Variants in SLC16A7 observed in about 807,000 individuals in gnomAD.
SLC16A7 encodes the protein monocarboxylate transporter 2.
A neutral mutation model predicts 34.9 loss-of-function variants in SLC16A7; 33 were observed. The ratio of observed to expected loss-of-function variants is 0.94; its 90% CI spans 0.72 to 1.26. The LOEUF (loss-of-function observed/expected upper bound fraction) is 1.26. SLC16A7 is among the 50% of genes most tolerant of loss of function. SLC16A7 has a pLI of 0.00. For synonymous variants in SLC16A7, 201 were observed against 206.6 expected (o/e 0.97, Z 0.23); for missense variants, 573 against 578.1 (o/e 0.99, Z 0.09).
chr12:59,769,344 A>G (rs1053428973), intron 3 of SLC16A7: 7 of 152,164 alleles, frequency 4.6e-5, no homozygotes, highest in Non-Finnish European at 1.0e-4. Context: ...TATGTCTTAT[A>G]TAATATGTGT....
intron 3 of SLC16A7, among the ~76,000 whole-genome samples, chr12:59,715,000 A>C (rs1305486435): frequency 6.6e-6 from 1 of 152,224 alleles, no homozygotes; most frequent in Non-Finnish European, 1.5e-5. Flanking sequence ...TTAGGGCTTC[A>C]ACATGAATTT....
intron 4 of SLC16A7, among the ~76,000 whole-genome samples, chr12:59,773,687 AC>A (rs1882456769): frequency 6.6e-6 from 1 of 151,780 alleles, no homozygotes; most frequent in Non-Finnish European, 1.5e-5. Context: ...GCCTCAGCCT[AC>A]CAAGTAGCTG....
chr12:59,639,710 C>G (rs1565627898), intron 1 of SLC16A7, among the ~76,000 whole-genome samples: 1 of 152,150 alleles, frequency 6.6e-6, no homozygotes, highest in African/African-American at 2.4e-5. Context: ...TACACATGCA[C>G]ACAACCCTTC....
At position 59,784,565 on chromosome 12, in the gene SLC16A7, A is replaced by G. The variant is rs1422839207; in HGVS notation, c.*4886A>G. 1 of 152,164 alleles carries G rather than the reference A, an allele frequency of 6.6e-6. No individual in the cohort carries two copies. The highest frequency in any genetic ancestry group is 2.4e-5 in the African/African-American group (1 of 41,436). 9.4% of individuals were successfully genotyped at this position (152,164 alleles called of 1,614,324 possible). On this transcript the variant is annotated 3_prime_UTR_variant, in exon 6 of 6. Coordinates refer to ENST00000547379, the MANE Select transcript of SLC16A7 (RefSeq NM_001270623.2). ...ACCCTACACCGTAGCTTATTTTTCAAGTTTCTCTGAACATCTTTGTTGTCA... is the reference window on the plus strand; with the variant it reads ...ACCCTACACCGTAGCTTATTTTTCAGGTTTCTCTGAACATCTTTGTTGTCA...
chr12:59,661,909 A>G (rs1868871759), intron 2 of SLC16A7, among the ~76,000 whole-genome samples: 1 of 152,108 alleles, frequency 6.6e-6, no homozygotes, highest in African/African-American at 2.4e-5. Flanking sequence ...CTTCTGCTAT[A>G]AGCTAAATTT....
chr12:59,680,026 TC>T (rs1870622932), intron 2 of SLC16A7, among the ~76,000 whole-genome samples: 1 of 152,192 alleles, frequency 6.6e-6, no homozygotes, highest in Non-Finnish European at 1.5e-5. Flanking sequence ...CATGTGTTTT[TC>T]CACAGTAATG....
chr12:59,622,522 C>T (rs554187709), intron 1 of SLC16A7, among the ~76,000 whole-genome samples: 4 of 151,808 alleles, frequency 2.6e-5, no homozygotes, highest in South Asian at 2.1e-4. Context: ...TTAAAGCCTT[C>T]GTTTTCATTT....
chr12:59,694,381 C>G (rs1310092665), intron 2 of SLC16A7, among the ~76,000 whole-genome samples: 1 of 151,898 alleles, frequency 6.6e-6, no homozygotes, highest in African/African-American at 2.4e-5. Flanking sequence ...GTATGATTTA[C>G]ATACAAAAAG....
At chr12:59,672,456 G>C (rs1869959781) in intron 2 of SLC16A7, among the ~76,000 whole-genome samples, 1 of 150,922 alleles carries the variant, frequency 6.6e-6, no homozygotes, top group South Asian at 2.1e-4. Flanking sequence ...AGTACTTAGA[G>C]CCCCCTCTAC....
chr12:59,737,058 A>G (rs540692373), intron 3 of SLC16A7, among the ~76,000 whole-genome samples: 2 of 152,196 alleles, frequency 1.3e-5, no homozygotes, highest in South Asian at 4.1e-4. Context: ...GGTGAGTCAC[A>G]GACACCGGCT....
chr12:59,641,189 C>T (rs572627620), intron 1 of SLC16A7, among the ~76,000 whole-genome samples: 113 of 152,110 alleles, frequency 7.4e-4, no homozygotes, highest in African/African-American at 2.7e-3. Context: ...TCTTCCATCC[C>T]AGAGGCCTCC....
At chr12:59,754,609 T>C (rs1419083214) in intron 3 of SLC16A7, among the ~76,000 whole-genome samples, 1 of 152,196 alleles carries the variant, frequency 6.6e-6, no homozygotes, top group Non-Finnish European at 1.5e-5. Flanking sequence ...ATTGTGGCAA[T>C]AATCAATAGC....
intron 3 of SLC16A7, among the ~76,000 whole-genome samples, chr12:59,750,975 A>T (rs527801319): frequency 6.8e-6 from 1 of 147,898 alleles, no homozygotes; most frequent in Non-Finnish European, 1.5e-5. Flanking sequence ...AAAACCAAAC[A>T]CCACATGTTC....
intron 1 of SLC16A7, among the ~76,000 whole-genome samples, chr12:59,623,137 C>G (rs12821865): frequency 0.11 from 16,631 of 146,322 alleles, 1,160 homozygotes; most frequent in Non-Finnish European, 0.16. Context: ...TTATTCTGTT[C>G]CTTGTTAAAT....
At chr12:59,671,882 T>TGTATATATAC (rs1869773204) in intron 2 of SLC16A7, among the ~76,000 whole-genome samples, 3 of 111,132 alleles carry the variant, frequency 2.7e-5, no homozygotes, top group Non-Finnish European at 5.8e-5. Context: ...TGTATATATG[T>TGTATATATAC]ATATATGTAC....
chr12:59,779,808 T>C lies in SLC16A7; in HGVS notation c.*129T>C, dbSNP rs1883111063. 1 of 677,860 alleles carries C rather than the reference T, an allele frequency of 1.5e-6. No individual in the cohort carries two copies. The highest frequency in any genetic ancestry group is 3.5e-5 in the Admixed American group (1 of 28,618). 42.0% of individuals were successfully genotyped at this position (677,860 alleles called of 1,614,324 possible). ...GTCACAATTAAGGATGGAGGTGATATTTTCCTCAATGGCAAATTTTAAATT... is the reference window on the plus strand; with the variant it reads ...GTCACAATTAAGGATGGAGGTGATACTTTCCTCAATGGCAAATTTTAAATT... On this transcript the variant is annotated 3_prime_UTR_variant, in exon 6 of 6. Coordinates refer to ENST00000547379, the MANE Select transcript of SLC16A7 (RefSeq NM_001270623.2).
intron 3 of SLC16A7, among the ~76,000 whole-genome samples, chr12:59,739,968 G>T (rs1015149930): frequency 6.6e-5 from 10 of 151,700 alleles, no homozygotes; most frequent in African/African-American, 2.2e-4. Flanking sequence ...GAGTAGGTTG[G>T]GAAAATTTTC....
chr12:59,608,148 T>G (rs1222849821), intron 1 of SLC16A7, among the ~76,000 whole-genome samples: 1 of 152,224 alleles, frequency 6.6e-6, no homozygotes, highest in Non-Finnish European at 1.5e-5. Flanking sequence ...CTCTCTCTGT[T>G]TCTTTGTCAC....
At chr12:59,634,064 A>G (rs1431439222) in intron 1 of SLC16A7, among the ~76,000 whole-genome samples, 1 of 152,088 alleles carries the variant, frequency 6.6e-6, no homozygotes, top group East Asian at 1.9e-4. Context: ...GGATATGGAA[A>G]CTGAAACAGC....
Sources: allele counts gnomAD v4.1 joint callset (sites outside exome capture counted in the v4.1 genomes callset), GRCh38; gene constraint gnomAD v4.1.1; transcripts MANE v1.5; gene names NCBI Gene and HGNC (gene_info 2026-07-23, HGNC 2026-07-21).